ATP9B: variants seen among roughly 807,000 people sequenced by gnomAD.
The protein encoded by ATP9B is probable phospholipid-transporting ATPase IIB.
In ATP9B, 110 loss-of-function variants were observed where a neutral mutation model predicts 146.1. The ratio of observed to expected loss-of-function variants is 0.75; its 90% CI spans 0.65 to 0.88. The LOEUF (loss-of-function observed/expected upper bound fraction) is 0.88, where lower values mean the gene tolerates loss of function less well. ATP9B is among the 40% of genes least tolerant of loss of function. The pLI, the probability that ATP9B is intolerant of heterozygous loss-of-function variation, is 0.00. For synonymous variants in ATP9B, 604 were observed against 569.7 expected (o/e 1.06, Z -0.86); for missense variants, 1,499 against 1,496.4 (o/e 1.00, Z -0.03).
chr18:79,271,259 T>TG (rs1297833110), intron 12 of ATP9B, among the ~76,000 whole-genome samples: 1 of 152,158 alleles, frequency 6.6e-6, no homozygotes, highest in Non-Finnish European at 1.5e-5. Context: ...TTATTATACT[T>TG]TAAGTTTTAG....
intron 8 of ATP9B, among the ~76,000 whole-genome samples, chr18:79,181,054 G>C (rs981838247): frequency 6.6e-6 from 1 of 151,342 alleles, no homozygotes; most frequent in African/African-American, 2.4e-5. Flanking sequence ...CAGATGATCC[G>C]CCCACCTTGG....
At chr18:79,215,011 G>A (rs933778402) in intron 11 of ATP9B, among the ~76,000 whole-genome samples, 1 of 152,088 alleles carries the variant, frequency 6.6e-6, no homozygotes, top group African/African-American at 2.4e-5. Flanking sequence ...AGCTGGGCAT[G>A]ATGACGGGTG....
chr18:79,200,329 A>T (rs751813856), intron 9 of ATP9B, among the ~76,000 whole-genome samples: 2 of 152,244 alleles, frequency 1.3e-5, no homozygotes, highest in Non-Finnish European at 2.9e-5. Context: ...TAGAACTTCA[A>T]GGAGAAACTG....
At chr18:79,248,786 C>T (rs763738274) in intron 11 of ATP9B, among the ~76,000 whole-genome samples, 37 of 152,314 alleles carry the variant, frequency 2.4e-4, no homozygotes, top group Admixed American at 1.4e-3. Flanking sequence ...TTCTAAACTA[C>T]TTCTTTGTAA....
chr18:79,320,970 A>G (rs932521794), intron 15 of ATP9B, among the ~76,000 whole-genome samples: 2 of 152,206 alleles, frequency 1.3e-5, no homozygotes, highest in African/African-American at 4.8e-5. Context: ...TAATCTCTCA[A>G]ACATCTTTAG....
intron 6 of ATP9B, among the ~76,000 whole-genome samples, chr18:79,148,459 G>C (rs2094627574): frequency 6.6e-6 from 1 of 152,152 alleles, no homozygotes; most frequent in African/African-American, 2.4e-5. Flanking sequence ...CTAAAATCAA[G>C]CAGTGTAATC....
At chr18:79,145,034 G>A in intron 6 of ATP9B, 1 of 219,080 alleles carries the variant, frequency 4.6e-6, no homozygotes, top group Admixed American at 5.5e-5. Context: ...CATGTCGGGG[G>A]AGCTGGCGGT....
intron 2 of ATP9B, among the ~76,000 whole-genome samples, chr18:79,097,472 T>A (rs918141626): frequency 9.9e-5 from 15 of 151,482 alleles, no homozygotes; most frequent in Middle Eastern, 6.8e-3. Flanking sequence ...TCTTTTTTTT[T>A]AATTTTTTTA....
intron 17 of ATP9B, among the ~76,000 whole-genome samples, 185 bp from the exon 18 acceptor site, chr18:79,336,443 G>A (rs1021184104): frequency 1.2e-4 from 19 of 152,356 alleles, no homozygotes; most frequent in African/African-American, 4.6e-4. Context: ...CAGGTCGGGA[G>A]GTTAAAAGGA....
At chr18:79,356,884 T>C (rs542656) in intron 25 of ATP9B, among the ~76,000 whole-genome samples, 10 of 41,350 alleles carry the variant, frequency 2.4e-4, no homozygotes, top group Non-Finnish European at 4.2e-4. Flanking sequence ...TGAGGGATGC[T>C]CTGGGTCTGG....
At chr18:79,264,515 A>G (rs999653651) in intron 12 of ATP9B, among the ~76,000 whole-genome samples, 2 of 150,318 alleles carry the variant, frequency 1.3e-5, no homozygotes, top group African/African-American at 4.9e-5. Context: ...ACAGTTATTG[A>G]TTTTACATGC....
chr18:79,377,637 C>A lies in ATP9B; in HGVS notation c.*254C>A. ...CTCCCTCTCAGTGCGAGGCTTCACC[C>A]CTGCCAGGCAAGCCCAGGGCATAGA... On this transcript the variant is annotated 3_prime_UTR_variant, in exon 30 of 30. Transcript: ENST00000426216. 1.9e-6 allele frequency: 1 copy of A among 514,940 alleles called. No homozygotes were observed. Among genetic ancestry groups the A allele is most frequent in the Non-Finnish European group, 3.5e-6 (1 of 286,568 alleles). The allele number at this position is 514,940 out of a possible 1,614,324, so 31.9% of individuals were successfully genotyped here.
chr18:79,235,929 T>C (rs1466009492), intron 11 of ATP9B, among the ~76,000 whole-genome samples: 1 of 152,186 alleles, frequency 6.6e-6, no homozygotes, highest in Non-Finnish European at 1.5e-5. Flanking sequence ...TTGGGCTTTT[T>C]GCTCTTAGGA....
chr18:79,313,300 T>C (rs977306096), intron 15 of ATP9B, among the ~76,000 whole-genome samples: 6 of 152,212 alleles, frequency 3.9e-5, no homozygotes, highest in Admixed American at 1.3e-4. Context: ...ACTTGTAAGA[T>C]TTATCAGTTG....
At chr18:79,176,713 C>T (rs1052814200) in intron 7 of ATP9B, 100 bp from the exon 8 acceptor site, 3 of 893,518 alleles carry the variant, frequency 3.4e-6, no homozygotes, top group Non-Finnish European at 5.4e-6. Flanking sequence ...ATTTCTTTGT[C>T]CTACTGTGCC....
At chr18:79,125,556 G>T (rs983309956) in intron 4 of ATP9B, among the ~76,000 whole-genome samples, 15 of 152,104 alleles carry the variant, frequency 9.9e-5, no homozygotes, top group Non-Finnish European at 2.2e-4. Context: ...ACTGAAGCAA[G>T]GTCATCATTA....
Position 79,376,321 on chromosome 18 carries a change from C to G in ATP9B, c.3307+895C>G, listed in dbSNP as rs532055565. 6 of 985,348 alleles carry G rather than the reference C, an allele frequency of 6.1e-6. No individual in the cohort carries two copies. In the African/African-American group the frequency reaches 8.7e-5, roughly 14 times the overall value. 61.0% of individuals were successfully genotyped at this position (985,348 alleles called of 1,614,324 possible). On this transcript the variant is annotated intron_variant, in intron 29 of 29. Transcript: ENST00000426216. ...ACCACAACTAGTACTTCAGTGCCTT[C>G]ACAAATTCTGCCACAGAGTGTTGTC...
chr18:79,086,598 T>A (rs1380305959), intron 1 of ATP9B, among the ~76,000 whole-genome samples: 1 of 152,032 alleles, frequency 6.6e-6, no homozygotes, highest in Non-Finnish European at 1.5e-5. Context: ...CTGAAGTATG[T>A]ATCCTGAGCT....
chr18:79,344,158 A>G, intron 20 of ATP9B, 107 bp from the exon 21 acceptor site: 1 of 1,069,290 alleles, frequency 9.4e-7, no homozygotes, highest in Non-Finnish European at 1.4e-6. Context: ...GTTTTAGATA[A>G]TAACCCCAGA....
Sources: gnomAD v4.1 joint callset for allele counts (sites outside exome capture counted in the v4.1 genomes callset) on GRCh38, gnomAD v4.1.1 for gene constraint, MANE v1.5 for transcripts, NCBI Gene and HGNC (gene_info 2026-07-23, HGNC 2026-07-21) for gene names.